The following SRGAP2 variants were observed in gnomAD, a reference collection of about 807,000 sequenced individuals.
SRGAP2 encodes SLIT-ROBO Rho GTPase-activating protein 2.
Under a neutral mutation model 57.2 loss-of-function variants are expected in SRGAP2, and 15 were observed. The ratio of observed to expected loss-of-function variants is 0.26; its 90% CI spans 0.18 to 0.40. SRGAP2 has a LOEUF of 0.40. Ranked by LOEUF, SRGAP2 falls within the 10% of genes least tolerant of loss-of-function variation. The pLI is 1.00. For synonymous variants in SRGAP2, 249 were observed against 248.0 expected (o/e 1.00, Z -0.04); for missense variants, 520 against 669.6 (o/e 0.78, Z 2.47).
At chr1:206,241,173 G>A (rs544201483) in intron 2 of SRGAP2, among the ~76,000 whole-genome samples, 1 of 152,178 alleles carries the variant, frequency 6.6e-6, no homozygotes, top group African/African-American at 2.4e-5. Flanking sequence ...GAAAGAGCAA[G>A]ACCCTGTCTC....
At chr1:206,257,745 C>CAT (rs71568076) in intron 2 of SRGAP2, among the ~76,000 whole-genome samples, 13 of 81,266 alleles carry the variant, frequency 1.6e-4, no homozygotes, top group East Asian at 6.4e-4. Context: ...TATATATATA[C>CAT]ATATATATAT....
intron 13 of SRGAP2, among the ~76,000 whole-genome samples, chr1:206,427,052 C>G (rs1221476709): frequency 6.6e-6 from 1 of 151,704 alleles, no homozygotes; most frequent in Non-Finnish European, 1.5e-5. Context: ...GACCAGTACC[C>G]TTGAAGCATT....
intron 2 of SRGAP2, among the ~76,000 whole-genome samples, chr1:206,290,895 C>A (rs1671280894): frequency 6.6e-6 from 1 of 152,068 alleles, no homozygotes; most frequent in South Asian, 2.1e-4. Flanking sequence ...CAGGGTCAGA[C>A]TTTTCTCTGC....
intron 10 of SRGAP2, among the ~76,000 whole-genome samples, chr1:206,411,104 C>T (rs1286119704): frequency 6.6e-6 from 1 of 152,256 alleles, no homozygotes; most frequent in Non-Finnish European, 1.5e-5. Context: ...TCGTGATCCG[C>T]CCACCTTGGC....
At chr1:206,419,521 G>A (rs1660106272) in intron 12 of SRGAP2, 121 bp downstream of exon 12, 4 of 713,442 alleles carry the variant, frequency 5.6e-6, no homozygotes, top group Non-Finnish European at 1.0e-5. Context: ...ACAAAGCAAT[G>A]GCCTGGGGCG....
intron 22 of SRGAP2, 118 bp downstream of exon 22, chr1:206,459,065 G>A (rs1460604661): frequency 1.6e-6 from 1 of 622,884 alleles, no homozygotes. Flanking sequence ...GTGATATACT[G>A]AGTATATGTC....
Position 206,454,297 on chromosome 1 carries a change from C to T in SRGAP2, c.2361-581C>T. On this transcript the variant is annotated intron_variant, in intron 20 of 22. Coordinates refer to ENST00000573034, the MANE Select transcript of SRGAP2 (RefSeq NM_015326.5). This position sits in a 1 kb window ranked among gnomAD's most constrained non-coding sequence, Gnocchi z 4.3. ...TAGCATTATGACTTCACCACAGGAT[C>T]AAGAGAAGATGAATTGTGGGGGAGA... is the stretch of plus-strand genomic sequence containing the variant. 1 of 665,404 alleles carries T rather than the reference C, an allele frequency of 1.5e-6. No individual in the cohort carries two copies. The allele number at this position is 665,404 out of a possible 1,614,324, so 41.2% of individuals were successfully genotyped here.
intron 2 of SRGAP2, among the ~76,000 whole-genome samples, chr1:206,262,473 C>G (rs1442185019): frequency 7.3e-5 from 11 of 149,896 alleles, no homozygotes; most frequent in Non-Finnish European, 1.2e-4. Flanking sequence ...GTACTTCTGG[C>G]AGTAAATCAA....
intron 2 of SRGAP2, among the ~76,000 whole-genome samples, chr1:206,302,402 T>A (rs1420461184): frequency 6.6e-6 from 1 of 151,954 alleles, no homozygotes; most frequent in African/African-American, 2.4e-5. Context: ...GAGAGAGTGT[T>A]TGCTAGCTCC....
intron 5 of SRGAP2, among the ~76,000 whole-genome samples, chr1:206,389,299 C>G (rs1192570589): frequency 6.0e-5 from 9 of 149,476 alleles, no homozygotes; most frequent in African/African-American, 2.2e-4. Context: ...CTCAGCCTCC[C>G]GAGTAGCTGG....
intron 3 of SRGAP2, among the ~76,000 whole-genome samples, chr1:206,327,589 TTTGA>T (rs1207723494): frequency 3.2e-5 from 4 of 124,480 alleles, no homozygotes; most frequent in Non-Finnish European, 6.4e-5. Flanking sequence ...CATCACCTTG[TTTGA>T]TTGGATCTTC....
chr1:206,307,777 G>A (rs1330551388), intron 3 of SRGAP2, among the ~76,000 whole-genome samples: 5 of 152,118 alleles, frequency 3.3e-5, no homozygotes, highest in Admixed American at 2.6e-4. Flanking sequence ...ACGCCCACCC[G>A]GAACTCCAGC....
At chr1:206,457,013 A>C (rs1006121656) in intron 21 of SRGAP2, among the ~76,000 whole-genome samples, 1 of 151,964 alleles carries the variant, frequency 6.6e-6, no homozygotes, top group East Asian at 1.9e-4. Flanking sequence ...CATTCCAAAG[A>C]CACTTTGAAT....
At chr1:206,266,602 G>A (rs1486906937) in intron 2 of SRGAP2, among the ~76,000 whole-genome samples, 12 of 152,134 alleles carry the variant, frequency 7.9e-5, no homozygotes, top group Non-Finnish European at 1.3e-4. Flanking sequence ...CTGCCATCTT[G>A]TGATGTAAAG....
intron 18 of SRGAP2, among the ~76,000 whole-genome samples, chr1:206,448,501 TTTC>T (rs1553374668): frequency 6.6e-6 from 1 of 152,190 alleles, no homozygotes; most frequent in African/African-American, 2.4e-5. Context: ...TCCTCTTGCC[TTTC>T]TCATAAAGCA....
intron 2 of SRGAP2, among the ~76,000 whole-genome samples, chr1:206,254,253 C>T (rs1428139555): frequency 8.3e-6 from 1 of 120,796 alleles, no homozygotes; most frequent in Non-Finnish European, 1.6e-5. Context: ...CTCCATGTAC[C>T]CAACACCCGG....
At chr1:206,341,774 G>A (rs1276672981) in intron 3 of SRGAP2, among the ~76,000 whole-genome samples, 7 of 152,286 alleles carry the variant, frequency 4.6e-5, no homozygotes, top group Admixed American at 4.6e-4. Flanking sequence ...AAGGTGGGTG[G>A]ATCACTTGAG....
intron 19 of SRGAP2, among the ~76,000 whole-genome samples, chr1:206,452,375 GAGAC>G (rs1335832830): frequency 6.6e-6 from 1 of 152,044 alleles, no homozygotes; most frequent in Non-Finnish European, 1.5e-5. Context: ...TCTTTATAGA[GAGAC>G]AGAAAGCTCA....
Position 206,449,331 on chromosome 1 carries a change from A to G in SRGAP2, c.2100-1055A>G, listed in dbSNP as rs148938566. On this transcript the variant is annotated intron_variant, in intron 18 of 22. Transcript: ENST00000573034. ...TTTTTAGACAGGATCTTGCTCTGTC[A>G]CCCAGGCCAGAGTGCAGTGGCACGA... 8.6e-3 allele frequency among the ~76,000 whole-genome samples: 1,106 copies of G among 128,140 alleles called. 19 individuals are homozygous for G. The highest frequency in any genetic ancestry group is 0.032 in the African/African-American group (1,047 of 32,778). 84.1% of individuals were successfully genotyped at this position (128,140 alleles called of 152,430 possible). A position where few individuals can be genotyped will look rare whatever the true frequency, so the allele number is the denominator to read the frequency against.
Sources: gnomAD v4.1 joint callset for allele counts (sites outside exome capture counted in the v4.1 genomes callset) on GRCh38, gnomAD v4.1.1 for gene constraint, Gnocchi (gnomAD v3.1) non-coding constraint, MANE v1.5 for transcripts, NCBI Gene and HGNC (gene_info 2026-07-23, HGNC 2026-07-21) for gene names.